POU6F2: variants seen among roughly 807,000 people sequenced by gnomAD.
POU6F2 encodes the protein POU class 6 homeobox 2.
In POU6F2, 31 loss-of-function variants were observed where a neutral mutation model predicts 71.3. That is an observed-to-expected ratio of 0.43 (90% CI 0.33 to 0.59). The LOEUF is 0.59. POU6F2 is among the 20% of genes least tolerant of loss of function. The pLI is 0.04. For missense variants in POU6F2, 783 were observed against 856.8 expected (o/e 0.91, Z 1.07); for synonymous variants, 347 against 355.7 (o/e 0.98, Z 0.27).
chr7:39,044,078 T>C (rs1198487414), intron 1 of POU6F2, among the ~76,000 whole-genome samples: 2 of 151,860 alleles, frequency 1.3e-5, no homozygotes. Context: ...CTCCTGGGCG[T>C]AGGGACTTAA....
chr7:39,026,967 A>T (rs6462886), intron 1 of POU6F2, among the ~76,000 whole-genome samples: 50,591 of 151,830 alleles, frequency 0.33, 9,038 homozygotes, highest in East Asian at 0.74. Context: ...TCTGATACTC[A>T]GGGATGAATT....
chr7:39,267,703 C>T (rs1183148120), intron 4 of POU6F2, among the ~76,000 whole-genome samples: 1 of 151,876 alleles, frequency 6.6e-6, no homozygotes, highest in African/African-American at 2.4e-5. Context: ...CTCCTACGCT[C>T]AAGGGATCCT....
chr7:39,460,557 G>A lies in POU6F2; in HGVS notation c.1500G>A (p.Thr500=), dbSNP rs371316682. 20 of 1,613,516 alleles carry A rather than the reference G, an allele frequency of 1.2e-5. No homozygotes were observed. Among genetic ancestry groups the A allele is most frequent in the African/African-American group, 6.7e-5 (5 of 74,904 alleles). The change falls in exon 9 of 10, where the codon ACG becomes ACA. Residue 500 remains threonine (T), a synonymous_variant. Coordinates refer to ENST00000518318, the MANE Select transcript of POU6F2 (RefSeq NM_001370959.1). This position sits in a 1 kb window ranked among gnomAD's most constrained non-coding sequence, Gnocchi z 4.4. ...SVGQLVSNPQ[T]AAGEVDGVNL... Reference sequence around the variant, plus strand: ...AAAACATCTCCACAGATCCTCAAACGGCAGCGGGTGAGGTGGATGGGGTTA... The same window carrying A: ...AAAACATCTCCACAGATCCTCAAACAGCAGCGGGTGAGGTGGATGGGGTTA...
chr7:39,022,822 T>G (rs1789708861), intron 1 of POU6F2, among the ~76,000 whole-genome samples: 2 of 152,096 alleles, frequency 1.3e-5, no homozygotes. Flanking sequence ...ATGAACATTC[T>G]TTTGCATGGA....
At position 39,269,736 on chromosome 7, in the gene POU6F2, T is replaced by C. The variant is rs996050751; in HGVS notation, c.598+62116T>C. Among the ~76,000 whole-genome samples the C allele has an allele frequency of 3.3e-5, 5 of 152,190 alleles. 1 individual carries two copies. The highest frequency in any genetic ancestry group is 1.2e-4 in the African/African-American group (5 of 41,460). On this transcript the variant is annotated intron_variant, in intron 4 of 9. Transcript: ENST00000518318. ...AAGCCTGCTAGGGCTTTGTGTTCAC[T>C]TCTTGGTGCAAGCCAGGAGCTTGGG...
chr7:39,371,274 G>T (rs999099773), intron 5 of POU6F2, among the ~76,000 whole-genome samples: 2 of 151,912 alleles, frequency 1.3e-5, no homozygotes, highest in Non-Finnish European at 2.9e-5. Flanking sequence ...CCGCCTCCCG[G>T]GTTCAAGCGA....
chr7:39,384,321 C>T (rs1786890639), intron 5 of POU6F2, among the ~76,000 whole-genome samples: 2 of 152,090 alleles, frequency 1.3e-5, no homozygotes, highest in Admixed American at 6.5e-5. Flanking sequence ...TTTGTAATAG[C>T]GGTGACAGAT....
At chr7:39,244,684 A>G (rs554680658) in intron 4 of POU6F2, among the ~76,000 whole-genome samples, 1 of 152,146 alleles carries the variant, frequency 6.6e-6, no homozygotes, top group Non-Finnish European at 1.5e-5. Flanking sequence ...TAGAAAAATC[A>G]TAGCCTGTGG....
intron 4 of POU6F2, among the ~76,000 whole-genome samples, chr7:39,242,064 A>T (rs781278793): frequency 5.9e-5 from 9 of 152,156 alleles, no homozygotes; most frequent in Non-Finnish European, 1.3e-4. Context: ...TTCTGTGAGT[A>T]AGGTTTCACT....
chr7:39,040,513 T>C (rs1790171487), intron 1 of POU6F2, among the ~76,000 whole-genome samples: 1 of 151,634 alleles, frequency 6.6e-6, no homozygotes, highest in Non-Finnish European at 1.5e-5. Context: ...AGTTAACAAA[T>C]TACCCATAAA....
chr7:39,216,068 T>C (rs1794237158), intron 4 of POU6F2, among the ~76,000 whole-genome samples: 3 of 152,158 alleles, frequency 2.0e-5, no homozygotes, highest in Non-Finnish European at 2.9e-5. Flanking sequence ...TCACATCACT[T>C]CCACTCACAC....
intron 1 of POU6F2, among the ~76,000 whole-genome samples, chr7:38,988,495 CTG>C (rs1788515982): frequency 6.6e-6 from 1 of 152,012 alleles, no homozygotes; most frequent in Non-Finnish European, 1.5e-5. Flanking sequence ...CCCTGTGTGT[CTG>C]TGTGTGTTTC....
chr7:39,359,818 G>A (rs969113210), intron 5 of POU6F2, among the ~76,000 whole-genome samples: 4 of 152,156 alleles, frequency 2.6e-5, no homozygotes. Context: ...GTTATTGCAT[G>A]CAAGAGAAAA....
At chr7:39,341,605 C>A (rs919107784) in intron 5 of POU6F2, among the ~76,000 whole-genome samples, 4 of 152,164 alleles carry the variant, frequency 2.6e-5, no homozygotes, top group African/African-American at 9.7e-5. Flanking sequence ...TACCTATATA[C>A]CATCTAATTT....
At chr7:39,207,350 G>A (rs1202908234) in intron 3 of POU6F2, 42 bp from the exon 4 acceptor site, 2 of 1,584,740 alleles carry the variant, frequency 1.3e-6, no homozygotes. Context: ...CCATGCCTTG[G>A]TTCCACAGGA....
At chr7:38,987,801 G>A (rs1788499005) in intron 1 of POU6F2, among the ~76,000 whole-genome samples, 1 of 152,108 alleles carries the variant, frequency 6.6e-6, no homozygotes, top group African/African-American at 2.4e-5. Flanking sequence ...AGTAACGTAG[G>A]TGGTAATGAA....
At chr7:39,035,887 A>G (rs1010787238) in intron 1 of POU6F2, among the ~76,000 whole-genome samples, 2 of 151,330 alleles carry the variant, frequency 1.3e-5, no homozygotes, top group African/African-American at 4.9e-5. Context: ...ACTGTCCGCC[A>G]CAGGTCCTGG....
chr7:39,005,623 T>G (rs189200698), intron 1 of POU6F2, among the ~76,000 whole-genome samples: 1 of 22,738 alleles, frequency 4.4e-5, no homozygotes, highest in Non-Finnish European at 8.6e-5. Context: ...AAGAGGTTTT[T>G]GTTTTAGTTT....
At chr7:39,013,400 CGCACCCACTGACCT>C (rs1562668926) in intron 1 of POU6F2, 1 of 155,518 alleles carries the variant, frequency 6.4e-6, no homozygotes, top group Non-Finnish European at 1.4e-5. Context: ...GCACGGTGCG[CGCACCCACTGACCT>C]GCGCCCACTG....
Sources: allele counts gnomAD v4.1 joint callset (sites outside exome capture counted in the v4.1 genomes callset), GRCh38; gene constraint gnomAD v4.1.1; non-coding constraint Gnocchi (gnomAD v3.1); transcripts MANE v1.5; gene names NCBI Gene and HGNC (gene_info 2026-07-23, HGNC 2026-07-21).